LYPD6B: variants seen among roughly 807,000 people sequenced by gnomAD.
LYPD6B encodes the protein ly6/PLAUR domain-containing protein 6B.
A neutral mutation model predicts 22.8 loss-of-function variants in LYPD6B; 17 were observed. That is an observed-to-expected ratio of 0.75 (90% confidence interval 0.51 to 1.12). The LOEUF (loss-of-function observed/expected upper bound fraction) is 1.12, where lower values mean the gene tolerates loss of function less well. LYPD6B is among the 50% of genes most tolerant of loss of function. LYPD6B has a pLI of 0.00. For missense variants in LYPD6B, 221 were observed against 258.3 expected (o/e 0.86, Z 0.99); for synonymous variants, 106 against 91.6 (o/e 1.16, Z -0.90).
At chr2:149,098,770 T>TC (rs1341678955) in intron 1 of LYPD6B, among the ~76,000 whole-genome samples, 4 of 150,672 alleles carry the variant, frequency 2.7e-5, no homozygotes, top group African/African-American at 7.3e-5. Context: ...TTTTTCTTTT[T>TC]TTTTTTTTTT....
chr2:149,122,842 A>G (rs1461421542), intron 1 of LYPD6B, among the ~76,000 whole-genome samples: 2 of 152,182 alleles, frequency 1.3e-5, no homozygotes, highest in Non-Finnish European at 2.9e-5. Context: ...TTGGATGGCA[A>G]TAAAAATTTA....
In LYPD6B at chr2:149,207,233, TC is replaced by T. The variant is rs530851377; in HGVS notation, c.230-1079del. ...ATTCTCAGTATTTAACTTCTTGTCC[TC>T]CAAACTTTAGCTTTTGATATTTTGT... is the stretch of plus-strand genomic sequence containing the variant. On this transcript the variant is annotated intron_variant, in intron 4 of 6. Coordinates refer to ENST00000409642, the MANE Select transcript of LYPD6B (RefSeq NM_177964.5). 2.5e-3 allele frequency among the ~76,000 whole-genome samples: 382 copies of T among 152,296 alleles called. 3 individuals are homozygous for T. Among genetic ancestry groups the T allele is most frequent in the Non-Finnish European group, 2.7e-3 (186 of 67,972 alleles).
intron 3 of LYPD6B, among the ~76,000 whole-genome samples, chr2:149,192,291 G>A (rs576846333): frequency 1.7e-3 from 264 of 152,170 alleles, no homozygotes; most frequent in African/African-American, 5.9e-3. Flanking sequence ...ACATATTTTT[G>A]TCGGGAAGAA....
At chr2:149,112,556 C>G (rs563745530) in intron 1 of LYPD6B, among the ~76,000 whole-genome samples, 1 of 152,226 alleles carries the variant, frequency 6.6e-6, no homozygotes, top group Admixed American at 6.5e-5. Context: ...GGACTAAAAT[C>G]TGGCTCGCAT....
intron 1 of LYPD6B, among the ~76,000 whole-genome samples, chr2:149,076,083 G>A (rs1222261546): frequency 6.6e-6 from 1 of 152,156 alleles, no homozygotes; most frequent in East Asian, 1.9e-4. Flanking sequence ...TTTAACACTG[G>A]AGTAATCCAG....
At chr2:149,106,641 T>C (rs1255983106) in intron 1 of LYPD6B, among the ~76,000 whole-genome samples, 1 of 152,200 alleles carries the variant, frequency 6.6e-6, no homozygotes, top group African/African-American at 2.4e-5. Context: ...CCTTCCTCCT[T>C]TTTGATATTG....
intron 1 of LYPD6B, among the ~76,000 whole-genome samples, chr2:149,088,772 C>G (rs1189494974): frequency 6.6e-6 from 1 of 152,136 alleles, no homozygotes; most frequent in Admixed American, 6.5e-5. Context: ...GTGGCATTGA[C>G]AACTTAGAGG....
chr2:149,151,322 A>G (rs1325087030), intron 2 of LYPD6B, among the ~76,000 whole-genome samples: 1 of 152,158 alleles, frequency 6.6e-6, no homozygotes, highest in Non-Finnish European at 1.5e-5. Flanking sequence ...GTGTTTCTGC[A>G]GCTGTTATAG....
chr2:149,078,284 C>T (rs1270622516), intron 1 of LYPD6B, among the ~76,000 whole-genome samples: 1 of 152,140 alleles, frequency 6.6e-6, no homozygotes, highest in African/African-American at 2.4e-5. Context: ...ATAATGGGGT[C>T]TTTATTTGTG....
At chr2:149,213,249 C>A in intron 6 of LYPD6B, 127 bp downstream of exon 6, 1 of 1,276,448 alleles carries the variant, frequency 7.8e-7, no homozygotes, top group African/African-American at 1.5e-5. Flanking sequence ...AGACTCCATA[C>A]AAAGATAAAA....
intron 3 of LYPD6B, chr2:149,187,434 GGCATT>G: frequency 6.5e-7 from 1 of 1,529,400 alleles, no homozygotes; most frequent in African/African-American, 1.4e-5. Flanking sequence ...AGATGTGAAA[GGCATT>G]GTACAGAAGA....
chr2:149,195,421 C>G (rs893108127), intron 3 of LYPD6B, among the ~76,000 whole-genome samples: 2 of 152,190 alleles, frequency 1.3e-5, no homozygotes, highest in Non-Finnish European at 2.9e-5. Context: ...AAGCACAGAG[C>G]CTGTTGCTTT....
chr2:149,166,892 T>C (rs754618356), intron 3 of LYPD6B, among the ~76,000 whole-genome samples: 11 of 152,052 alleles, frequency 7.2e-5, no homozygotes, highest in Non-Finnish European at 1.5e-4. Context: ...CCTTCCATCA[T>C]TGCTCACCTT....
chr2:149,063,162 A>G (rs544337194), intron 1 of LYPD6B, among the ~76,000 whole-genome samples: 11 of 152,340 alleles, frequency 7.2e-5, no homozygotes, highest in South Asian at 4.1e-4. Context: ...GGTTTGTAAT[A>G]TATCTGGAGG....
intron 3 of LYPD6B, among the ~76,000 whole-genome samples, chr2:149,162,618 G>A (rs957462954): frequency 2.0e-5 from 3 of 152,082 alleles, no homozygotes; most frequent in Admixed American, 6.6e-5. Flanking sequence ...GTTCAAGATC[G>A]TTAAAGCATA....
In LYPD6B at chr2:149,214,948, A is replaced by G; in HGVS notation, c.*238A>G. 2 of 542,184 alleles carry G rather than the reference A, an allele frequency of 3.7e-6. No individual in the cohort carries two copies. The highest frequency in any genetic ancestry group is 4.6e-5 in the South Asian group (2 of 43,470). 33.6% of individuals were successfully genotyped at this position (542,184 alleles called of 1,614,324 possible). ...TCTGACTTCCAGGCTTCCTGGTCAA[A>G]GAGAGCTACGTTTGGGCAGTTCTGC... On this transcript the variant is annotated 3_prime_UTR_variant, in exon 7 of 7. Transcript: ENST00000409642.
rs375527404 is a variant in LYPD6B at position 149,064,627 on chromosome 2, CA to C, written c.-67+25827del. ...CACTAGAGACATATCTTTGAGGTCA[CA>C]CAACAAGTTAACAGTAGATAAACAT... On this transcript the variant is annotated intron_variant, in intron 1 of 6. Transcript: ENST00000409642. 4.5e-3 allele frequency among the ~76,000 whole-genome samples: 687 copies of C among 152,276 alleles called. 6 individuals carry two copies. Among genetic ancestry groups the C allele is most frequent in the African/African-American group, 0.016 (656 of 41,536 alleles).
chr2:149,168,425 A>G (rs1038698240), intron 3 of LYPD6B, among the ~76,000 whole-genome samples: 1 of 152,010 alleles, frequency 6.6e-6, no homozygotes, highest in African/African-American at 2.4e-5. Context: ...AATCCAACCA[A>G]AGCATCACAT....
chr2:149,156,747 A>G (rs1015986620), intron 2 of LYPD6B, among the ~76,000 whole-genome samples: 1 of 152,186 alleles, frequency 6.6e-6, no homozygotes, highest in African/African-American at 2.4e-5. Flanking sequence ...CTGAGGTACT[A>G]GGGATTAGGA....
Sources: allele counts gnomAD v4.1 joint callset (sites outside exome capture counted in the v4.1 genomes callset), GRCh38; gene constraint gnomAD v4.1.1; transcripts MANE v1.5; gene names NCBI Gene and HGNC (gene_info 2026-07-23, HGNC 2026-07-21).